The following GTF2IRD2B variants were observed in gnomAD, a reference collection of about 807,000 sequenced individuals.
GTF2IRD2B encodes general transcription factor II-I repeat domain-containing protein 2B.
GTF2IRD2B carries 10 observed loss-of-function variants against 55.6 expected under a neutral mutation model. The observed-to-expected ratio is 0.18, with a 90% confidence interval of 0.11 to 0.31. The LOEUF is 0.31. Ranked by LOEUF, GTF2IRD2B falls within the 10% of genes least tolerant of loss-of-function variation. GTF2IRD2B has a pLI of 1.00. For synonymous variants in GTF2IRD2B, 107 were observed against 320.5 expected (o/e 0.33, Z 7.12); for missense variants, 206 against 802.7 (o/e 0.26, Z 8.98).
intron 1 of GTF2IRD2B, among the ~76,000 whole-genome samples, chr7:75,104,841 G>A (rs1319376851): frequency 1.3e-5 from 2 of 152,278 alleles, no homozygotes; most frequent in African/African-American, 2.4e-5. Context: ...AAAGCGGAGA[G>A]GCAATTGAGG....
intron 8 of GTF2IRD2B, among the ~76,000 whole-genome samples, chr7:75,127,300 G>A (rs1233553610): frequency 6.6e-6 from 1 of 150,796 alleles, no homozygotes; most frequent in African/African-American, 2.4e-5. Context: ...GCAACATGGC[G>A]AGACTTCATC....
chr7:75,149,664 C>T lies in GTF2IRD2B; in HGVS notation c.*367C>T. On this transcript the variant is annotated 3_prime_UTR_variant, in exon 16 of 16. Transcript: ENST00000472837. ...AAGTGCTGGGATTACAGGCATGAAC[C>T]ACTGTGCCCAGCTGACAAAATGAGT... 3.9e-6 allele frequency: 1 copy of T among 254,016 alleles called. No individual in the cohort carries two copies. The highest frequency in any genetic ancestry group is 7.8e-6 in the Non-Finnish European group (1 of 128,078). 15.7% of individuals were successfully genotyped at this position (254,016 alleles called of 1,614,324 possible). A position where few individuals can be genotyped will look rare whatever the true frequency, so the allele number is the denominator to read the frequency against.
rs587745115 is a variant in GTF2IRD2B at position 75,114,408 on chromosome 7, T to C, written c.238+1873T>C. ...ATCTTGTAATGAAACTGTTCTGAAA[T>C]TGGTGTGATAATCTTTTTATATTTT... On this transcript the variant is annotated intron_variant, in intron 3 of 15. Transcript: ENST00000472837. Among the ~76,000 whole-genome samples, 7 of 151,412 alleles carry C rather than the reference T, an allele frequency of 4.6e-5. 1 individual carries two copies. In the South Asian group the frequency reaches 8.3e-4, roughly 18 times the overall value.
intron 1 of GTF2IRD2B, among the ~76,000 whole-genome samples, chr7:75,102,096 G>A (rs1221493396): frequency 6.6e-6 from 1 of 150,378 alleles, no homozygotes; most frequent in Non-Finnish European, 1.5e-5. Flanking sequence ...TCCGCCTCCC[G>A]GGTTCAAGAG....
intron 2 of GTF2IRD2B, 119 bp downstream of exon 2, chr7:75,109,182 T>G (rs1807885025): frequency 3.1e-6 from 2 of 651,186 alleles, no homozygotes; most frequent in African/African-American, 1.5e-5. Flanking sequence ...TAAGACAGAG[T>G]CTCACTCTGT....
chr7:75,106,040 T>G (rs1436729374), intron 1 of GTF2IRD2B, among the ~76,000 whole-genome samples: 4 of 152,312 alleles, frequency 2.6e-5, no homozygotes, highest in African/African-American at 9.6e-5. Context: ...TCAAACCACA[T>G]GATCTGAAAG....
At chr7:75,116,388 A>G (rs1441536047) in intron 3 of GTF2IRD2B, among the ~76,000 whole-genome samples, 3 of 152,184 alleles carry the variant, frequency 2.0e-5, no homozygotes, top group African/African-American at 7.2e-5. Context: ...CTGTATAGAA[A>G]TGCAGTTGAT....
intron 10 of GTF2IRD2B, among the ~76,000 whole-genome samples, chr7:75,135,287 C>T (rs1211939392): frequency 1.3e-5 from 2 of 150,842 alleles, no homozygotes; most frequent in African/African-American, 2.5e-5. Flanking sequence ...GCGCGTACCA[C>T]CACGCCCGGC....
intron 3 of GTF2IRD2B, among the ~76,000 whole-genome samples, chr7:75,114,307 G>A (rs1321291441): frequency 5.9e-5 from 9 of 151,354 alleles, no homozygotes; most frequent in African/African-American, 1.7e-4. Context: ...CTAATCACTG[G>A]AATTTACTTG....
chr7:75,105,026 C>T (rs1194752317), intron 1 of GTF2IRD2B, among the ~76,000 whole-genome samples: 6 of 152,294 alleles, frequency 3.9e-5, no homozygotes, highest in Admixed American at 6.5e-5. Context: ...AGTGAAACCC[C>T]GTCTCTACTA....
intron 3 of GTF2IRD2B, among the ~76,000 whole-genome samples, chr7:75,118,037 C>T (rs1392556925): frequency 7.4e-5 from 10 of 134,618 alleles, no homozygotes; most frequent in African/African-American, 2.6e-4. Flanking sequence ...GAGCCAAGAT[C>T]GTGCCATTGC....
chr7:75,105,291 G>A (rs1174203438), intron 1 of GTF2IRD2B, among the ~76,000 whole-genome samples: 1 of 152,290 alleles, frequency 6.6e-6, no homozygotes, highest in Non-Finnish European at 1.5e-5. Context: ...ATCACTTGAG[G>A]TCAAGGGTTC....
chr7:75,130,591 C>T (rs879950351), intron 8 of GTF2IRD2B, among the ~76,000 whole-genome samples: 5 of 151,988 alleles, frequency 3.3e-5, no homozygotes, highest in Non-Finnish European at 4.4e-5. Flanking sequence ...GATTCTCCTG[C>T]TTCAGCCTTC....
chr7:75,115,096 CTTT>C (rs60983909), intron 3 of GTF2IRD2B, among the ~76,000 whole-genome samples: 42 of 43,394 alleles, frequency 9.7e-4, no homozygotes, highest in Admixed American at 1.9e-3. Context: ...TCGTGCCCAG[CTTT>C]TTTTTTTTTT....
intron 3 of GTF2IRD2B, among the ~76,000 whole-genome samples, chr7:75,113,755 CAGAA>C (rs1455040566): frequency 6.9e-6 from 1 of 143,970 alleles, no homozygotes; most frequent in Non-Finnish European, 1.5e-5. Flanking sequence ...GGATAAAAAT[CAGAA>C]AGGTTCGTCA....
At chr7:75,105,110 C>T (rs1807739174) in intron 1 of GTF2IRD2B, among the ~76,000 whole-genome samples, 1 of 152,276 alleles carries the variant, frequency 6.6e-6, no homozygotes, top group Non-Finnish European at 1.5e-5. Flanking sequence ...ATGGGAGGAT[C>T]AACTGAGCCC....
intron 3 of GTF2IRD2B, among the ~76,000 whole-genome samples, chr7:75,113,828 AGAG>A (rs1808049047): frequency 7.9e-6 from 1 of 126,026 alleles, no homozygotes; most frequent in Non-Finnish European, 1.7e-5. Context: ...ATGTACAGAG[AGAG>A]GGGTCTCTAT....
rs587764747 is a variant in GTF2IRD2B at position 75,137,101 on chromosome 7, G to T, written c.871+251G>T. Among the ~76,000 whole-genome samples the T allele has an allele frequency of 4.0e-5, 6 of 151,276 alleles. No homozygotes were observed. The South Asian group carries it at 1.0e-3, about 26-fold the overall frequency. On this transcript the variant is annotated intron_variant, in intron 11 of 15. Transcript: ENST00000472837. ...GTCTGTATTTCCAGCTACCTGGGAG[G>T]CTGAGACAGGAGGATCGCTTGAACC...
At chr7:75,120,277 T>A (rs1456985533) in intron 3 of GTF2IRD2B, among the ~76,000 whole-genome samples, 1 of 73,694 alleles carries the variant, frequency 1.4e-5, no homozygotes, top group Non-Finnish European at 2.6e-5. Flanking sequence ...TTAAAACTTT[T>A]GGAGGAGCAA....
Sources: allele counts gnomAD v4.1 joint callset (sites outside exome capture counted in the v4.1 genomes callset), GRCh38; gene constraint gnomAD v4.1.1; transcripts MANE v1.5; gene names NCBI Gene and HGNC (gene_info 2026-07-23, HGNC 2026-07-21).